CAPN1: variants seen among roughly 807,000 people sequenced by gnomAD.
CAPN1 encodes calpain-1 catalytic subunit.
A neutral mutation model predicts 105.2 loss-of-function variants in CAPN1; 77 were observed. That is an observed-to-expected ratio of 0.73 (90% CI 0.61 to 0.88). CAPN1 has a LOEUF of 0.88. Ranked by LOEUF, CAPN1 falls within the 40% of genes least tolerant of loss-of-function variation. The probability of loss-of-function intolerance (pLI) is 0.00; values close to 1 mark genes in which losing one functional copy is unlikely to be tolerated. For synonymous variants in CAPN1, 355 were observed against 388.8 expected (o/e 0.91, Z 1.02); for missense variants, 833 against 976.6 (o/e 0.85, Z 1.96).
chr11:65,196,875 G>T (rs778370671), intron 10 of CAPN1, among the ~76,000 whole-genome samples: 3 of 152,148 alleles, frequency 2.0e-5, no homozygotes, highest in African/African-American at 4.8e-5. Context: ...TTTCATAAAG[G>T]TTCCTTCGTT....
At position 65,208,172 on chromosome 11, in the gene CAPN1, C is replaced by A; in HGVS notation, c.1672-33C>A. The A allele has an allele frequency of 6.3e-7, 1 of 1,590,076 alleles. No individual in the cohort carries two copies. The highest frequency in any genetic ancestry group is 2.3e-5 in the East Asian group (1 of 43,802). ...GGGGCCTGTGAGGGGCAGCCCTCTC[C>A]TGGGGCAGGTGCCACCTCCTCTCTC... On this transcript the variant is annotated intron_variant, in intron 15 of 21. Coordinates refer to ENST00000279247, the MANE Select transcript of CAPN1 (RefSeq NM_005186.4). The surrounding 1 kb of genome is among the most constrained non-coding windows in gnomAD (Gnocchi z 4.1).
In CAPN1 at chr11:65,209,173, T is replaced by C; in HGVS notation, c.1730-150T>C. The C allele has an allele frequency of 3.1e-6, 2 of 646,526 alleles. No individual in the cohort carries two copies. Among genetic ancestry groups the C allele is most frequent in the Non-Finnish European group, 5.7e-6 (2 of 353,178 alleles). 40.0% of individuals were successfully genotyped at this position (646,526 alleles called of 1,614,324 possible). On this transcript the variant is annotated intron_variant, in intron 16 of 21. Coordinates refer to ENST00000279247, the MANE Select transcript of CAPN1 (RefSeq NM_005186.4). The surrounding 1 kb of genome is among the most constrained non-coding windows in gnomAD (Gnocchi z 4.1). ...ATACTTTACTTGTACTTCCTGATGA[T>C]ACAAACAATCCTGCCCACTTCCTCT... is the stretch of plus-strand genomic sequence containing the variant.
chr11:65,195,650 G>A (rs1419395524), intron 10 of CAPN1, among the ~76,000 whole-genome samples: 1 of 151,948 alleles, frequency 6.6e-6, no homozygotes, highest in Non-Finnish European at 1.5e-5. Flanking sequence ...TTTTTGGGAG[G>A]GGGTGGATTT....
In CAPN1 at chr11:65,206,485, A is replaced by C. The variant is rs1411135000; in HGVS notation, c.1376A>C (p.His459Pro). 1 of 1,612,926 alleles carries C rather than the reference A, an allele frequency of 6.2e-7. No homozygotes were observed. Among genetic ancestry groups the C allele is most frequent in the Non-Finnish European group, 8.5e-7 (1 of 1,179,802 alleles). The change falls in exon 13 of 22, where the codon CAC (histidine) becomes CCC (proline). Residue 459 changes from histidine to proline, a missense_variant. His to Pro is a moderately conservative substitution (Grantham distance 77). Coordinates refer to ENST00000279247, the MANE Select transcript of CAPN1 (RefSeq NM_005186.4). ...PPELVGQPAV[H>P]LKRDFFLANA... Reference sequence around the variant, plus strand: ...CAGCTGGTGGGCCAGCCGGCCGTACACTTGAAGCGTGACTTCTTCCTGGCC... The same window carrying C: ...CAGCTGGTGGGCCAGCCGGCCGTACCCTTGAAGCGTGACTTCTTCCTGGCC...
Position 65,204,848 on chromosome 11 carries a change from C to CG in CAPN1, c.1333dup (p.Val445GlyfsTer19). On this transcript the variant is annotated frameshift_variant, in exon 11 of 22. Coordinates refer to ENST00000279247, the MANE Select transcript of CAPN1 (RefSeq NM_005186.4). LOFTEE classifies it high-confidence loss of function. ...CGCGACATGGAGACTATTGGCTTCG[C>CG]GGTCTACGAGGTCAGGAGGGTGGAT... 6.2e-7 allele frequency: 1 copy of CG among 1,608,194 alleles called. No individual in the cohort carries two copies. Among genetic ancestry groups the CG allele is most frequent in the Non-Finnish European group, 8.5e-7 (1 of 1,176,440 alleles).
rs975230038 is a variant in CAPN1, at chr11:65,188,988, T to G, written c.1165+242T>G. ...AAGATCTTGTGGCCATCCAGCCACC[T>G]GCCTGTCACTCCTTTCCTGGGCCCT... On this transcript the variant is annotated intron_variant, in intron 10 of 21. Transcript: ENST00000279247. This position sits in a 1 kb window ranked among gnomAD's most constrained non-coding sequence, Gnocchi z 5.5. Among the ~76,000 whole-genome samples, 1 of 152,120 alleles carries G rather than the reference T, an allele frequency of 6.6e-6. No homozygotes were observed. The highest frequency in any genetic ancestry group is 2.4e-5 in the African/African-American group (1 of 41,426).
Position 65,201,948 on chromosome 11 carries a change from G to T in CAPN1, c.1166-2735G>T, listed in dbSNP as rs111620075. ...AGCGATTTTCCTGCCTCATCCTCCCGAGTAAGTGGGACTACAGGTGCCCAC... is the reference window on the plus strand; with the variant it reads ...AGCGATTTTCCTGCCTCATCCTCCCTAGTAAGTGGGACTACAGGTGCCCAC... On this transcript the variant is annotated intron_variant, in intron 10 of 21. Transcript: ENST00000279247. 3.5e-3 allele frequency among the ~76,000 whole-genome samples: 527 copies of T among 151,518 alleles called. 1 individual carries two copies. The highest frequency in any genetic ancestry group is 0.011 in the African/African-American group (463 of 41,254).
intron 4 of CAPN1, among the ~76,000 whole-genome samples, chr11:65,185,224 A>C (rs1465020487): frequency 6.6e-6 from 1 of 152,020 alleles, no homozygotes; most frequent in African/African-American, 2.4e-5. Context: ...CCTATATACC[A>C]TCCTGAGGTT....
Position 65,210,584 on chromosome 11 carries a change from G to A in CAPN1, c.2059+132G>A, listed in dbSNP as rs1334247147. ...GTGGGTGTGTGCCAGAGAGGCCTGG[G>A]TCTGGGTTTGGGGGGCCCTGGCTGA... On this transcript the variant is annotated intron_variant, in intron 20 of 21. Coordinates refer to ENST00000279247, the MANE Select transcript of CAPN1 (RefSeq NM_005186.4). The surrounding 1 kb of genome is among the most constrained non-coding windows in gnomAD (Gnocchi z 4.3). 6.9e-6 allele frequency: 5 copies of A among 729,818 alleles called. No homozygotes were observed. The highest frequency in any genetic ancestry group is 1.7e-5 in the African/African-American group (1 of 57,432). 45.2% of individuals were successfully genotyped at this position (729,818 alleles called of 1,614,324 possible).
At chr11:65,184,982 G>T (rs1948611156) in intron 4 of CAPN1, among the ~76,000 whole-genome samples, 2 of 152,166 alleles carry the variant, frequency 1.3e-5, no homozygotes, top group Middle Eastern at 3.4e-3. Context: ...TACATATCAA[G>T]TATACACATG....
At chr11:65,191,750 A>G (rs1948721233) in intron 10 of CAPN1, among the ~76,000 whole-genome samples, 1 of 152,102 alleles carries the variant, frequency 6.6e-6, no homozygotes, top group African/African-American at 2.4e-5. Flanking sequence ...AATTCTTACA[A>G]CTTTTGTTAC....
At chr11:65,198,214 C>T (rs1027403283) in intron 10 of CAPN1, among the ~76,000 whole-genome samples, 2 of 151,754 alleles carry the variant, frequency 1.3e-5, no homozygotes, top group African/African-American at 4.8e-5. Flanking sequence ...GATCTCAGCT[C>T]ACTGCAACCT....
intron 10 of CAPN1, among the ~76,000 whole-genome samples, chr11:65,200,012 C>T (rs1948844682): frequency 6.6e-6 from 1 of 152,174 alleles, no homozygotes; most frequent in Non-Finnish European, 1.5e-5. Context: ...TTCTGCTAGT[C>T]ACCTGGAATG....
intron 12 of CAPN1, 129 bp downstream of exon 12, chr11:65,205,850 C>T: frequency 1.2e-6 from 1 of 836,652 alleles, no homozygotes; most frequent in East Asian, 2.4e-5. Context: ...TTGAAAAATG[C>T]TTCTCCCCAC....
intron 7 of CAPN1, chr11:65,187,576 G>A: frequency 1.9e-6 from 1 of 530,422 alleles, no homozygotes; most frequent in Admixed American, 3.2e-5. Flanking sequence ...ATGAGGGTAT[G>A]GGAGGCGGAG....
chr11:65,195,049 G>C (rs561575866), intron 10 of CAPN1, among the ~76,000 whole-genome samples: 2 of 148,552 alleles, frequency 1.3e-5, no homozygotes, highest in South Asian at 4.3e-4. Context: ...TCTTCTTTTT[G>C]ATTATAGCCA....
Position 65,208,141 on chromosome 11 carries a change from T to TTGGGAGGGGCC in CAPN1, c.1671+24_1671+34dup. ...GGGAGGTAGGTTGGGGCATGGCAGG[T>TTGGGAGGGGCC]TGGGAGGGGCCTGTGAGGGGCAGCC... On this transcript the variant is annotated intron_variant, in intron 15 of 21. Coordinates refer to ENST00000279247, the MANE Select transcript of CAPN1 (RefSeq NM_005186.4). This position sits in a 1 kb window ranked among gnomAD's most constrained non-coding sequence, Gnocchi z 4.1. 1 of 1,602,442 alleles carries TTGGGAGGGGCC rather than the reference T, an allele frequency of 6.2e-7. No homozygotes were observed.
chr11:65,201,338 C>T (rs186985144), intron 10 of CAPN1, among the ~76,000 whole-genome samples: 2 of 152,208 alleles, frequency 1.3e-5, no homozygotes, highest in Admixed American at 1.3e-4. Context: ...CCTCCCACCT[C>T]GGTCTCCCAA....
At chr11:65,182,469 G>A in intron 1 of CAPN1, 1 of 522,906 alleles carries the variant, frequency 1.9e-6, no homozygotes. Flanking sequence ...AATGGGATCC[G>A]GGAAAGGAGA....
Sources: allele counts gnomAD v4.1 joint callset (sites outside exome capture counted in the v4.1 genomes callset), GRCh38; gene constraint gnomAD v4.1.1; non-coding constraint Gnocchi (gnomAD v3.1); transcripts MANE v1.5; gene names NCBI Gene and HGNC (gene_info 2026-07-23, HGNC 2026-07-21).